Variants in PCDHA6 observed in about 807,000 individuals in gnomAD.
PCDHA6 encodes the protein protocadherin alpha-6.
PCDHA6 carries 55 observed loss-of-function variants against 60.3 expected under a neutral mutation model. The ratio of observed to expected loss-of-function variants is 0.91; its 90% CI spans 0.73 to 1.14. The LOEUF is 1.14. Ranked by LOEUF, PCDHA6 falls within the 50% of genes most tolerant of loss-of-function variation. The pLI, the probability that PCDHA6 is intolerant of heterozygous loss-of-function variation, is 0.00. For synonymous variants in PCDHA6, 652 were observed against 557.9 expected, an observed-to-expected ratio of 1.17 and a Z score of -2.38; for missense variants, 1,327 against 1,256.5, an observed-to-expected ratio of 1.06 and a Z score of -0.85.
chr5:140,928,989 A>C (rs1554206541), intron 1 of PCDHA6: 2 of 1,613,706 alleles, frequency 1.2e-6, no homozygotes, highest in Non-Finnish European at 1.7e-6. Flanking sequence ...TGGGGTGCTT[A>C]CTTTTCTTCG....
chr5:140,993,406 T>G (rs1382987714), intron 3 of PCDHA6, among the ~76,000 whole-genome samples: 2 of 150,884 alleles, frequency 1.3e-5, no homozygotes, highest in Non-Finnish European at 2.9e-5. Context: ...TTAACCACCT[T>G]CATCAGCATT....
chr5:140,943,129 G>T (rs2093422146), intron 1 of PCDHA6, among the ~76,000 whole-genome samples: 1 of 151,684 alleles, frequency 6.6e-6, no homozygotes, highest in South Asian at 2.1e-4. Flanking sequence ...GTGGTAGTGG[G>T]TGCCTGTAGT....
At chr5:140,907,564 C>A (rs782642591) in intron 1 of PCDHA6, among the ~76,000 whole-genome samples, 1 of 152,228 alleles carries the variant, frequency 6.6e-6, no homozygotes, top group African/African-American at 2.4e-5. Flanking sequence ...ATATAATCAA[C>A]TTGCCACCAG....
chr5:140,870,167 C>A, intron 1 of PCDHA6: 1 of 1,614,134 alleles, frequency 6.2e-7, no homozygotes, highest in East Asian at 2.2e-5. Context: ...ACTTCCTTGT[C>A]CCTCCCAGTA....
At position 140,982,388 on chromosome 5, in the gene PCDHA6, A is replaced by G. The variant is rs868944535; in HGVS notation, c.2454-87A>G. 32 of 1,592,320 alleles carry G rather than the reference A, an allele frequency of 2.0e-5. 1 individual carries two copies. The Middle Eastern group carries it at 4.6e-3, about 226-fold the overall frequency. Reference sequence around the variant, plus strand: ...ATGTGTTAGCTGCAGCCCTGGCTTCATAGTTGTAAGCAATTTCTGAGGGTG... The same window carrying G: ...ATGTGTTAGCTGCAGCCCTGGCTTCGTAGTTGTAAGCAATTTCTGAGGGTG... On this transcript the variant is annotated intron_variant, in intron 2 of 3. Coordinates refer to ENST00000529310, the MANE Select transcript of PCDHA6 (RefSeq NM_018909.4).
At chr5:140,988,851 C>T (rs2097316213) in intron 3 of PCDHA6, 1 of 152,174 alleles carries the variant, frequency 6.6e-6, no homozygotes, top group Admixed American at 6.5e-5. Context: ...TGAAACCTAT[C>T]CAGTCTCATG....
chr5:140,983,284 A>G (rs540419188), intron 3 of PCDHA6, among the ~76,000 whole-genome samples: 1 of 152,330 alleles, frequency 6.6e-6, no homozygotes, highest in East Asian at 1.9e-4. Context: ...GAGTATAGGA[A>G]AATTGCTTAA....
chr5:140,929,528 T>C, intron 1 of PCDHA6: 1 of 693,446 alleles, frequency 1.4e-6, no homozygotes, highest in African/African-American at 1.9e-5. Context: ...TAGTTTATTT[T>C]TGAGAAACAA....
chr5:140,883,402 C>T lies in PCDHA6; in HGVS notation c.2394+52917C>T. ...CCCTAATCAGTGTGTCCGATCGTGACTCTGGCTCAAATGGACAGGTCACCT... is the reference window on the plus strand; with the variant it reads ...CCCTAATCAGTGTGTCCGATCGTGATTCTGGCTCAAATGGACAGGTCACCT... On this transcript the variant is annotated intron_variant, in intron 1 of 3. Coordinates refer to ENST00000529310, the MANE Select transcript of PCDHA6 (RefSeq NM_018909.4). 4 of 1,614,192 alleles carry T rather than the reference C, an allele frequency of 2.5e-6. No individual in the cohort carries two copies. The South Asian group carries it at 3.3e-5, about 13-fold the overall frequency.
chr5:140,839,737 C>T (rs1554137559), intron 1 of PCDHA6, among the ~76,000 whole-genome samples: 1 of 151,964 alleles, frequency 6.6e-6, no homozygotes, highest in Non-Finnish European at 1.5e-5. Flanking sequence ...AGAAAATACC[C>T]TTATTTGCCT....
intron 1 of PCDHA6, chr5:140,858,677 T>A (rs1480959792): frequency 3.2e-6 from 2 of 629,026 alleles, no homozygotes; most frequent in African/African-American, 3.7e-5. Context: ...TTATTCTGAA[T>A]ACACTAATAT....
intron 1 of PCDHA6, among the ~76,000 whole-genome samples, chr5:140,902,432 C>T (rs566549203): frequency 1.3e-5 from 2 of 152,128 alleles, no homozygotes; most frequent in African/African-American, 4.8e-5. Flanking sequence ...AAGTGGGCAT[C>T]CTTGTCATAT....
At chr5:140,856,514 G>A in intron 1 of PCDHA6, 1 of 1,598,422 alleles carries the variant, frequency 6.3e-7, no homozygotes. Context: ...ACTAGAAGGC[G>A]CATCTGATGC....
At chr5:140,943,515 G>C (rs2093511975) in intron 1 of PCDHA6, among the ~76,000 whole-genome samples, 1 of 152,100 alleles carries the variant, frequency 6.6e-6, no homozygotes, top group African/African-American at 2.4e-5. Context: ...TGGAAATGTT[G>C]AGTTCAGTAT....
Position 141,010,072 on chromosome 5 carries a change from C to T in PCDHA6, c.*135C>T. The T allele has an allele frequency of 3.1e-6, 5 of 1,606,334 alleles. No individual in the cohort carries two copies. The highest frequency in any genetic ancestry group is 4.3e-6 in the Non-Finnish European group (5 of 1,176,104). On this transcript the variant is annotated 3_prime_UTR_variant, in exon 4 of 4. Transcript: ENST00000529310. Reference sequence around the variant, plus strand: ...ACCTCAGAAATCTGCAGAAAGTTCCCTGTGTCTGTCTAGAACGCATTTAAC... The same window carrying T: ...ACCTCAGAAATCTGCAGAAAGTTCCTTGTGTCTGTCTAGAACGCATTTAAC...
chr5:140,928,473 C>T (rs782009999), intron 1 of PCDHA6: 1 of 1,613,978 alleles, frequency 6.2e-7, no homozygotes, highest in Admixed American at 1.7e-5. Context: ...AAGTAGAAGG[C>T]CGGGATGGTG....
intron 1 of PCDHA6, chr5:140,927,371 G>GCTACAGCCTAAGCC: frequency 6.2e-7 from 1 of 1,614,080 alleles, no homozygotes; most frequent in Non-Finnish European, 8.5e-7. Context: ...GGGATACTAA[G>GCTACAGCCTAAGCC]CTACAGCCTA....
rs1554206991 is a variant in PCDHA6, at chr5:140,929,323, A to G, written c.2395-49626A>G. 4 of 1,540,320 alleles carry G rather than the reference A, an allele frequency of 2.6e-6. No homozygotes were observed. In the Admixed American group the frequency reaches 8.1e-5, roughly 31 times the overall value. On this transcript the variant is annotated intron_variant, in intron 1 of 3. Transcript: ENST00000529310. ...AGGGGATCACGCTAATGTCAATGCC[A>G]TGGTAAGCAAATTTTATGGAATTTG...
rs112377727 is a variant in PCDHA6, at chr5:140,875,811, G to T, written c.2394+45326G>T. The T allele has an allele frequency of 3.6e-4, 584 of 1,614,186 alleles. 8 individuals are homozygous for T. Among genetic ancestry groups the T allele is most frequent in the South Asian group, 3.4e-3 (314 of 91,084 alleles). On this transcript the variant is annotated intron_variant, in intron 1 of 3. Coordinates refer to ENST00000529310, the MANE Select transcript of PCDHA6 (RefSeq NM_018909.4). ...ACCTGGAGGTGATCGTGGACAGGCC[G>T]CTGCAGGTTTTCCATGTGGACGTGG...
Sources: gnomAD v4.1 joint callset for allele counts (sites outside exome capture counted in the v4.1 genomes callset) on GRCh38, gnomAD v4.1.1 for gene constraint, MANE v1.5 for transcripts, NCBI Gene and HGNC (gene_info 2026-07-23, HGNC 2026-07-21) for gene names.